The following TTC28 variants were observed in gnomAD, a reference collection of about 807,000 sequenced individuals.
TTC28 encodes the protein tetratricopeptide repeat domain 28.
TTC28 carries 61 observed loss-of-function variants against 198.0 expected under a neutral mutation model. The observed-to-expected ratio is 0.31, with a 90% CI of 0.25 to 0.38. TTC28 has a LOEUF of 0.38. TTC28 is among the 10% of genes least tolerant of loss of function. The probability of loss-of-function intolerance (pLI) is 1.00; values close to 1 mark genes in which losing one functional copy is unlikely to be tolerated. For missense variants in TTC28, 2,678 were observed against 3,164.0 expected (o/e 0.85, Z 3.69); for synonymous variants, 1,171 against 1,297.8 (o/e 0.90, Z 2.10).
At chr22:28,588,776 C>T (rs1282343621) in intron 2 of TTC28, among the ~76,000 whole-genome samples, 1 of 152,186 alleles carries the variant, frequency 6.6e-6, no homozygotes, top group East Asian at 1.9e-4. Flanking sequence ...TTCAGTCAAA[C>T]CAAACCATCA....
intron 5 of TTC28, among the ~76,000 whole-genome samples, chr22:28,254,466 T>A (rs1012366567): frequency 1.3e-5 from 2 of 149,954 alleles, no homozygotes; most frequent in Non-Finnish European, 3.0e-5. Context: ...TCAAAAGAAG[T>A]GTTTATTCAG....
Position 28,641,285 on chromosome 22 carries a change from C to G in TTC28, c.103-11455G>C, listed in dbSNP as rs185920141. Among the ~76,000 whole-genome samples the G allele has an allele frequency of 9.6e-4, 146 of 151,834 alleles. 1 individual carries two copies. The highest frequency in any genetic ancestry group is 1.6e-3 in the Non-Finnish European group (109 of 67,942). On this transcript the variant is annotated intron_variant, in intron 1 of 22. Coordinates refer to ENST00000397906, the MANE Select transcript of TTC28 (RefSeq NM_001145418.2). ...GTTGCAGTGAGCCGAGATCGCACCA[C>G]TACACTCCAGCCTGGCGACAGAGCA...
At chr22:28,591,776 T>C (rs1183993130) in intron 2 of TTC28, among the ~76,000 whole-genome samples, 1 of 150,644 alleles carries the variant, frequency 6.6e-6, no homozygotes, top group Non-Finnish European at 1.5e-5. Context: ...GACTCAAAGA[T>C]TTTTTTTAAT....
intron 12 of TTC28, among the ~76,000 whole-genome samples, chr22:28,091,884 T>C (rs1941826377): frequency 6.6e-6 from 1 of 152,170 alleles, no homozygotes; most frequent in Non-Finnish European, 1.5e-5. Context: ...AATGTATAAA[T>C]GGGCATAAGG....
chr22:28,655,327 G>A (rs1569086085), intron 1 of TTC28, among the ~76,000 whole-genome samples: 1 of 152,000 alleles, frequency 6.6e-6, no homozygotes, highest in African/African-American at 2.4e-5. Context: ...TTTCATATTT[G>A]TGAAAACTAC....
chr22:28,225,281 A>C (rs976606983), intron 5 of TTC28, among the ~76,000 whole-genome samples: 5 of 151,754 alleles, frequency 3.3e-5, no homozygotes, highest in African/African-American at 1.2e-4. Flanking sequence ...CTTGAACCCG[A>C]AAGGCGGAGG....
Position 28,001,416 on chromosome 22 carries a change from G to A in TTC28, c.4356C>T (p.Leu1452=). 6.4e-7 allele frequency: 1 copy of A among 1,551,504 alleles called. No homozygotes were observed. Among genetic ancestry groups the A allele is most frequent in the Non-Finnish European group, 8.7e-7 (1 of 1,146,930 alleles). Residue 1452 remains leucine, a synonymous_variant, in exon 15 of 23, where the codon CTC becomes CTT. Coordinates refer to ENST00000397906, the MANE Select transcript of TTC28 (RefSeq NM_001145418.2). ...SNEYLYERFG[L]LAVPSIRSLS... ...GGGAGCGGATGGAAGGGACAGCAAG[G>A]AGGCCGAAGCGCTCGTAGAGGTACT...
At chr22:28,338,201 G>C (rs573533589) in intron 2 of TTC28, among the ~76,000 whole-genome samples, 28 of 152,170 alleles carry the variant, frequency 1.8e-4, no homozygotes, top group Admixed American at 3.9e-4. Context: ...AGTTTCTGTC[G>C]AGAGATCAGC....
intron 1 of TTC28, among the ~76,000 whole-genome samples, chr22:28,671,928 G>A (rs1008342713): frequency 2.0e-5 from 3 of 151,740 alleles, no homozygotes; most frequent in Admixed American, 1.3e-4. Context: ...TGCCCACCTC[G>A]GCCTCCCAAA....
intron 2 of TTC28, among the ~76,000 whole-genome samples, chr22:28,489,989 T>A (rs956620713): frequency 5.3e-5 from 8 of 152,090 alleles, no homozygotes; most frequent in Admixed American, 2.0e-4. Flanking sequence ...GAGTCCGATG[T>A]TCGAGGGCAG....
At chr22:28,019,196 T>C (rs898132173) in intron 13 of TTC28, among the ~76,000 whole-genome samples, 1 of 152,206 alleles carries the variant, frequency 6.6e-6, no homozygotes, top group African/African-American at 2.4e-5. Flanking sequence ...CCTCTTTTCC[T>C]TGCTGGTAAA....
At position 28,571,526 on chromosome 22, in the gene TTC28, T is replaced by C. The variant is rs145964877; in HGVS notation, c.381+58026A>G. ...TCATCTGATTGGCAAATAATTTAAA[T>C]TGTGATAACCAAGTGCTGACAAGAA... On this transcript the variant is annotated intron_variant, in intron 2 of 22. Coordinates refer to ENST00000397906, the MANE Select transcript of TTC28 (RefSeq NM_001145418.2). 2.6e-5 allele frequency among the ~76,000 whole-genome samples: 4 copies of C among 152,340 alleles called. No homozygotes were observed. In the East Asian group the frequency reaches 7.7e-4, roughly 29 times the overall value.
intron 17 of TTC28, 128 bp from the exon 18 acceptor site, chr22:27,993,646 G>C: frequency 2.2e-6 from 2 of 918,346 alleles, no homozygotes; most frequent in Non-Finnish European, 3.2e-6. Flanking sequence ...AGCCCACGTG[G>C]CCAGGCCTGA....
chr22:28,225,687 T>C (rs1928282559), intron 5 of TTC28, among the ~76,000 whole-genome samples: 1 of 152,236 alleles, frequency 6.6e-6, no homozygotes, highest in African/African-American at 2.4e-5. Flanking sequence ...CTGACATATG[T>C]GTACACTTGT....
chr22:28,397,292 G>A (rs1569304097), intron 2 of TTC28, among the ~76,000 whole-genome samples: 3 of 152,094 alleles, frequency 2.0e-5, no homozygotes, highest in Non-Finnish European at 4.4e-5. Flanking sequence ...AAAGCTCATT[G>A]ATCCTCACAA....
intron 2 of TTC28, among the ~76,000 whole-genome samples, chr22:28,376,380 C>T (rs1426519362): frequency 6.6e-6 from 1 of 152,180 alleles, no homozygotes; most frequent in Non-Finnish European, 1.5e-5. Flanking sequence ...CTTATTCAAT[C>T]TTCACAAACT....
chr22:28,625,388 T>C (rs895792687), intron 2 of TTC28, among the ~76,000 whole-genome samples: 1 of 151,994 alleles, frequency 6.6e-6, no homozygotes, highest in Admixed American at 6.6e-5. Context: ...GTACAGAAAA[T>C]ACATTGTATT....
chr22:28,312,691 C>A (rs2045284635), intron 2 of TTC28, among the ~76,000 whole-genome samples: 1 of 152,182 alleles, frequency 6.6e-6, no homozygotes, highest in South Asian at 2.1e-4. Flanking sequence ...GTACCAGAAT[C>A]TCTAGGAAAC....
At position 28,675,732 on chromosome 22, in the gene TTC28, C is replaced by A. The variant is rs1184787364; in HGVS notation, c.102+3890G>T. Reference sequence around the variant, plus strand: ...CCAGCCTGGGCGACAGAGTGAAACCCTGTCACACACACACACACACACACA... The same window carrying A: ...CCAGCCTGGGCGACAGAGTGAAACCATGTCACACACACACACACACACACA... On this transcript the variant is annotated intron_variant, in intron 1 of 22. Transcript: ENST00000397906. Among the ~76,000 whole-genome samples, 15 of 129,284 alleles carry A rather than the reference C, an allele frequency of 1.2e-4. No individual in the cohort carries two copies. The Admixed American group carries it at 1.2e-3, about 10-fold the overall frequency. 84.8% of individuals were successfully genotyped at this position (129,284 alleles called of 152,430 possible). A position where few individuals can be genotyped will look rare whatever the true frequency, so the allele number is the denominator to read the frequency against.
Sources: gnomAD v4.1 joint callset for allele counts (sites outside exome capture counted in the v4.1 genomes callset) on GRCh38, gnomAD v4.1.1 for gene constraint, MANE v1.5 for transcripts, NCBI Gene and HGNC (gene_info 2026-07-23, HGNC 2026-07-21) for gene names.